Variants in DHRSX observed in about 807,000 individuals in gnomAD.
DHRSX encodes the protein polyprenol dehydrogenase.
In DHRSX, 31 loss-of-function variants were observed where a neutral mutation model predicts 34.0. That is an observed-to-expected ratio of 0.91 (90% confidence interval 0.69 to 1.23). DHRSX has a LOEUF of 1.23. Among genes scored for constraint, DHRSX ranks in the 50% most tolerant of loss-of-function variants. The pLI, the probability that DHRSX is intolerant of heterozygous loss-of-function variation, is 0.00. For synonymous variants in DHRSX, 201 were observed against 183.8 expected, an observed-to-expected ratio of 1.09 and a Z score of -0.76; for missense variants, 414 against 428.1, an observed-to-expected ratio of 0.97 and a Z score of 0.29.
At chrX:2,225,252 CTCAT>C (rs1476413694) in intron 6 of DHRSX, among the ~76,000 whole-genome samples, 1 of 151,420 alleles carries the variant, frequency 6.6e-6, no homozygotes, top group Non-Finnish European at 1.5e-5. Flanking sequence ...CATGCTCACA[CTCAT>C]TCACATGCAC....
intron 3 of DHRSX, among the ~76,000 whole-genome samples, chrX:2,325,153 C>G (rs1215784523): frequency 6.6e-6 from 1 of 152,108 alleles, no homozygotes; most frequent in Non-Finnish European, 1.5e-5. Context: ...CAGACATACA[C>G]AAGCCAGCTG....
intron 1 of DHRSX, among the ~76,000 whole-genome samples, chrX:2,436,106 T>A (rs768867744): frequency 1.4e-4 from 22 of 151,764 alleles, no homozygotes; most frequent in African/African-American, 5.3e-4. Flanking sequence ...GGCAGGAGAA[T>A]CACTTGAACC....
chrX:2,351,959 A>C (rs2042793532), intron 3 of DHRSX, among the ~76,000 whole-genome samples: 1 of 152,158 alleles, frequency 6.6e-6, no homozygotes, highest in Non-Finnish European at 1.5e-5. Context: ...ACCTCAGGTG[A>C]TCCACCCGCC....
intron 1 of DHRSX, among the ~76,000 whole-genome samples, chrX:2,470,094 G>C (rs191331271): frequency 7.2e-6 from 1 of 139,530 alleles, no homozygotes; most frequent in African/African-American, 2.7e-5. Flanking sequence ...TGCCATTTGC[G>C]CAACATGGAT....
At chrX:2,492,178 G>A (rs997481684) in intron 1 of DHRSX, among the ~76,000 whole-genome samples, 2 of 152,154 alleles carry the variant, frequency 1.3e-5, no homozygotes, top group Non-Finnish European at 2.9e-5. Context: ...ATGGGACCTT[G>A]TTTGGAAAAA....
rs753606920 is a variant in DHRSX, at chrX:2,373,653, T to G, written c.286+35092A>C. ...CAGGTTGGAGAAAAGGGGAAGGGGTTGTTGTATCTGGAGCTGAAGTTTTCA... is the reference window on the plus strand; with the variant it reads ...CAGGTTGGAGAAAAGGGGAAGGGGTGGTTGTATCTGGAGCTGAAGTTTTCA... On this transcript the variant is annotated intron_variant, in intron 3 of 6. Coordinates refer to ENST00000334651, the MANE Select transcript of DHRSX (RefSeq NM_145177.3). Among the ~76,000 whole-genome samples the G allele has an allele frequency of 3.3e-3, 499 of 152,250 alleles. 1 individual carries two copies. The highest frequency in any genetic ancestry group is 8.1e-3 in the South Asian group (39 of 4,820).
chrX:2,409,245 T>C (rs2043596645), intron 2 of DHRSX, among the ~76,000 whole-genome samples: 1 of 152,224 alleles, frequency 6.6e-6, no homozygotes, highest in African/African-American at 2.4e-5. Context: ...CAGACCGTGG[T>C]TCCTACTACG....
chrX:2,329,739 C>G (rs1277513180), intron 3 of DHRSX, among the ~76,000 whole-genome samples: 2 of 152,108 alleles, frequency 1.3e-5, no homozygotes, highest in African/African-American at 2.4e-5. Context: ...GTATGACCTT[C>G]AAATCCTAGC....
chrX:2,283,009 G>A (rs1019190712), intron 4 of DHRSX, among the ~76,000 whole-genome samples: 1 of 151,526 alleles, frequency 6.6e-6, no homozygotes, highest in African/African-American at 2.4e-5. Context: ...GAGGTGGAAA[G>A]AGAGAATGAC....
intron 1 of DHRSX, chrX:2,490,841 A>T (rs2045118214): frequency 7.2e-7 from 1 of 1,390,876 alleles, no homozygotes; most frequent in African/African-American, 1.4e-5. Context: ...TGCCGGGGAG[A>T]CAGACAGGGT....
chrX:2,358,947 T>G (rs1158492431), intron 3 of DHRSX, among the ~76,000 whole-genome samples: 2 of 131,946 alleles, frequency 1.5e-5, no homozygotes, highest in East Asian at 4.1e-4. Flanking sequence ...AGACTCTGTC[T>G]CGGAAAAAAA....
At chrX:2,354,727 T>C (rs1302981459) in intron 3 of DHRSX, among the ~76,000 whole-genome samples, 2 of 152,200 alleles carry the variant, frequency 1.3e-5, no homozygotes, top group Non-Finnish European at 2.9e-5. Flanking sequence ...CCCAAAGTGC[T>C]GGGACTACAG....
chrX:2,318,609 T>C (rs750118369), intron 3 of DHRSX, among the ~76,000 whole-genome samples: 2 of 143,442 alleles, frequency 1.4e-5, no homozygotes, highest in South Asian at 4.2e-4. Context: ...ACAGATGTCA[T>C]GGCAATGTCA....
chrX:2,430,548 G>A (rs1411200592), intron 1 of DHRSX, among the ~76,000 whole-genome samples: 1 of 152,106 alleles, frequency 6.6e-6, no homozygotes, highest in Non-Finnish European at 1.5e-5. Context: ...CTGGCTGGAC[G>A]CTCCTTCTAC....
intron 1 of DHRSX, among the ~76,000 whole-genome samples, chrX:2,495,495 T>G (rs947339070): frequency 7.2e-5 from 11 of 152,082 alleles, no homozygotes; most frequent in Non-Finnish European, 1.3e-4. Flanking sequence ...CCTAACCAAG[T>G]GACTCCTGGA....
intron 1 of DHRSX, among the ~76,000 whole-genome samples, chrX:2,434,316 T>C (rs1407331171): frequency 6.6e-6 from 1 of 152,114 alleles, no homozygotes; most frequent in Non-Finnish European, 1.5e-5. Context: ...ACATACTCAG[T>C]TCAAATGTAC....
At chrX:2,405,289 C>T (rs113384399) in intron 3 of DHRSX, among the ~76,000 whole-genome samples, 2,999 of 150,332 alleles carry the variant, frequency 0.02, 50 homozygotes, top group Middle Eastern at 0.046. Flanking sequence ...GAGTTCAAGA[C>T]CAGCCTGGCC....
At chrX:2,336,604 GTTTTT>G (rs111267342) in intron 3 of DHRSX, among the ~76,000 whole-genome samples, 1 of 143,398 alleles carries the variant, frequency 7.0e-6, no homozygotes, top group South Asian at 2.3e-4. Flanking sequence ...TTTTTGTTTT[GTTTTT>G]TTTTTTTGAG....
intron 3 of DHRSX, among the ~76,000 whole-genome samples, chrX:2,397,414 G>C (rs1195170280): frequency 1.3e-5 from 2 of 152,102 alleles, no homozygotes; most frequent in African/African-American, 4.8e-5. Flanking sequence ...AATTCCAAGC[G>C]TGAGCCACCG....
Sources: allele counts gnomAD v4.1 joint callset (sites outside exome capture counted in the v4.1 genomes callset), GRCh38; gene constraint gnomAD v4.1.1; transcripts MANE v1.5; gene names NCBI Gene and HGNC (gene_info 2026-07-23, HGNC 2026-07-21).